The following BNC2 variants were observed in gnomAD, a reference collection of about 807,000 sequenced individuals.
BNC2 encodes the protein basonuclin zinc finger protein 2.
Under a neutral mutation model 76.3 loss-of-function variants are expected in BNC2, and 20 were observed. The observed-to-expected ratio is 0.26, with a 90% confidence interval of 0.18 to 0.38. The LOEUF (loss-of-function observed/expected upper bound fraction) is 0.38, where lower values mean the gene tolerates loss of function less well. BNC2 is among the 10% of genes least tolerant of loss of function. The pLI is 1.00. For missense variants in BNC2, 1,382 were observed against 1,399.8 expected, an observed-to-expected ratio of 0.99 and a Z score of 0.20; for synonymous variants, 582 against 514.8, an observed-to-expected ratio of 1.13 and a Z score of -1.77.
At chr9:16,829,725 T>A in intron 1 of BNC2, among the ~76,000 whole-genome samples, 1 of 152,206 alleles carries the variant, frequency 6.6e-6, no homozygotes, top group East Asian at 1.9e-4. Flanking sequence ...AAAATATTTT[T>A]AATGTACAAA....
intron 1 of BNC2, among the ~76,000 whole-genome samples, chr9:16,795,432 A>G (rs1817620838): frequency 6.6e-6 from 1 of 151,882 alleles, no homozygotes; most frequent in African/African-American, 2.4e-5. Context: ...CAATACCGGA[A>G]ACATTGGGAG....
chr9:16,842,259 G>A (rs531469497), intron 1 of BNC2, among the ~76,000 whole-genome samples: 36 of 152,286 alleles, frequency 2.4e-4, no homozygotes, highest in African/African-American at 8.2e-4. Flanking sequence ...TAGAAAAGAT[G>A]CTGGCATTAG....
Position 16,463,968 on chromosome 9 carries a change from C to T in BNC2, c.670-26444G>A, listed in dbSNP as rs1821646878. The stretch of plus-strand genomic sequence containing the variant: ...AAAATTGGCCAGGCTTGGTGGTGCA[C>T]ACCTGTAATCCCAGCTACTTGAGGC... On this transcript the variant is annotated intron_variant, in intron 5 of 6. Transcript: ENST00000380672. Among the ~76,000 whole-genome samples, 7 of 151,606 alleles carry T rather than the reference C, an allele frequency of 4.6e-5. No individual in the cohort carries two copies. In the South Asian group the frequency reaches 1.5e-3, roughly 32 times the overall value.
chr9:16,735,301 C>T (rs545987310), intron 2 of BNC2, among the ~76,000 whole-genome samples: 50 of 151,440 alleles, frequency 3.3e-4, no homozygotes, highest in African/African-American at 1.2e-3. Context: ...CAAGTCCAAA[C>T]AGTAACAGTG....
intron 3 of BNC2, among the ~76,000 whole-genome samples, chr9:16,589,543 C>A (rs1382753407): frequency 2.6e-5 from 4 of 151,662 alleles, no homozygotes; most frequent in Non-Finnish European, 5.9e-5. Context: ...GAATCTCACT[C>A]TGTCACCCAG....
chr9:16,433,732 A>G (rs997071511), intron 6 of BNC2, among the ~76,000 whole-genome samples: 1 of 152,208 alleles, frequency 6.6e-6, no homozygotes, highest in Non-Finnish European at 1.5e-5. Context: ...TCTCACAGCT[A>G]TTTATTCCAG....
Position 16,605,307 on chromosome 9 carries a change from T to C in BNC2, c.331-22222A>G, listed in dbSNP as rs546512577. ...AATACTGGCAACGCTTCTTACGCAC[T>C]TACTATCAAGCAGTGTTCTAAACAC... On this transcript the variant is annotated intron_variant, in intron 3 of 6. Transcript: ENST00000380672. 2.0e-5 allele frequency among the ~76,000 whole-genome samples: 3 copies of C among 152,376 alleles called. No individual in the cohort carries two copies. In the South Asian group the frequency reaches 6.2e-4, roughly 32 times the overall value.
intron 3 of BNC2, among the ~76,000 whole-genome samples, chr9:16,702,646 C>CACT (rs1823548258): frequency 6.6e-6 from 1 of 151,210 alleles, no homozygotes; most frequent in Non-Finnish European, 1.5e-5. Flanking sequence ...TACCATCCTA[C>CACT]ACTACTATTT....
chr9:16,822,092 CAAAAAAAAAAA>C (rs531393812), intron 1 of BNC2, among the ~76,000 whole-genome samples: 1 of 32,626 alleles, frequency 3.1e-5, no homozygotes, highest in Non-Finnish European at 6.2e-5. Context: ...GACTCCATCT[CAAAAAAAAAAA>C]AAAAAAAAAA....
intron 1 of BNC2, among the ~76,000 whole-genome samples, chr9:16,850,920 G>A (rs1180365057): frequency 6.6e-6 from 1 of 152,116 alleles, no homozygotes; most frequent in Non-Finnish European, 1.5e-5. Flanking sequence ...TGGAAGATTT[G>A]CTAGCACCAA....
chr9:16,716,998 T>A (rs1399511904), intron 3 of BNC2, among the ~76,000 whole-genome samples: 1 of 152,066 alleles, frequency 6.6e-6, no homozygotes, highest in Admixed American at 6.5e-5. Context: ...CCTAGGTGAA[T>A]AGAAAAAAAG....
In BNC2 at chr9:16,650,063, A is replaced by T. The variant is rs1166112985; in HGVS notation, c.331-66978T>A. On this transcript the variant is annotated intron_variant, in intron 3 of 6. Transcript: ENST00000380672. ...GCACTCAACCCTGGGTGCATGGCAG[A>T]GGAAGGCAAAGACCAAGAAAGCAAA... is the stretch of plus-strand genomic sequence containing the variant. Among the ~76,000 whole-genome samples the T allele has an allele frequency of 2.0e-5, 3 of 152,242 alleles. No individual in the cohort carries two copies. The East Asian group carries it at 5.8e-4, about 29-fold the overall frequency.
At chr9:16,639,832 G>A (rs1256305000) in intron 3 of BNC2, among the ~76,000 whole-genome samples, 1 of 152,030 alleles carries the variant, frequency 6.6e-6, no homozygotes, top group East Asian at 1.9e-4. Flanking sequence ...TGAAGCAGGA[G>A]GACTGCGTAA....
chr9:16,710,352 A>G (rs917623453), intron 3 of BNC2, among the ~76,000 whole-genome samples: 1 of 152,210 alleles, frequency 6.6e-6, no homozygotes, highest in African/African-American at 2.4e-5. Context: ...AATATTAGAG[A>G]TTGAAATTAT....
chr9:16,648,371 A>T (rs892581159), intron 3 of BNC2, among the ~76,000 whole-genome samples: 11 of 152,254 alleles, frequency 7.2e-5, no homozygotes, highest in Non-Finnish European at 1.6e-4. Context: ...AGGAGAAATG[A>T]CAGAGGGCTA....
At chr9:16,469,716 C>A (rs1028595180) in intron 5 of BNC2, among the ~76,000 whole-genome samples, 1 of 152,170 alleles carries the variant, frequency 6.6e-6, no homozygotes, top group African/African-American at 2.4e-5. Context: ...AAGTTTGGAA[C>A]TTCCTAGAGA....
intron 6 of BNC2, among the ~76,000 whole-genome samples, chr9:16,430,679 G>A (rs1476403750): frequency 6.6e-6 from 1 of 152,168 alleles, no homozygotes; most frequent in Non-Finnish European, 1.5e-5. Context: ...TGGAAGTCAG[G>A]TAATCAGACA....
chr9:16,594,262 T>C (rs1820007761), intron 3 of BNC2, among the ~76,000 whole-genome samples: 2 of 152,162 alleles, frequency 1.3e-5, no homozygotes, highest in African/African-American at 4.8e-5. Context: ...TCACACACTT[T>C]GGTGACGAAG....
chr9:16,561,444 G>C (rs1020814582), intron 4 of BNC2, among the ~76,000 whole-genome samples: 1 of 152,084 alleles, frequency 6.6e-6, no homozygotes, highest in Non-Finnish European at 1.5e-5. Context: ...GTATGCCTAA[G>C]CTCAGGGTAT....
Sources: gnomAD v4.1 joint callset for allele counts (sites outside exome capture counted in the v4.1 genomes callset) on GRCh38, gnomAD v4.1.1 for gene constraint, MANE v1.5 for transcripts, NCBI Gene and HGNC (gene_info 2026-07-23, HGNC 2026-07-21) for gene names.